DPT: variants seen among roughly 807,000 people sequenced by gnomAD.
DPT encodes dermatopontin, also known as tyrosine-rich acidic matrix protein.
DPT carries 21 observed loss-of-function variants against 31.2 expected under a neutral mutation model. The observed-to-expected ratio is 0.67, with a 90% confidence interval of 0.48 to 0.97. The LOEUF is 0.97. Among genes scored for constraint, DPT ranks in the 50% least tolerant of loss-of-function variants. The probability of loss-of-function intolerance (pLI) is 0.00; values close to 1 mark genes in which losing one functional copy is unlikely to be tolerated. For missense variants in DPT, 262 were observed against 258.8 expected (o/e 1.01, Z -0.08); for synonymous variants, 91 against 86.9 (o/e 1.05, Z -0.26).
At chr1:168,707,761 C>T (rs1420849079) in intron 2 of DPT, among the ~76,000 whole-genome samples, 1 of 152,120 alleles carries the variant, frequency 6.6e-6, no homozygotes, top group African/African-American at 2.4e-5. Flanking sequence ...GGCTTTTCCC[C>T]CTTTTGCTTG....
intron 1 of DPT, among the ~76,000 whole-genome samples, chr1:168,728,292 G>T (rs1401454685): frequency 6.6e-6 from 1 of 152,196 alleles, no homozygotes; most frequent in East Asian, 1.9e-4. Flanking sequence ...CAAGGCAGTA[G>T]ACAGCTATTT....
chr1:168,728,910 C>A lies in DPT; in HGVS notation c.265G>T (p.Glu89Ter). The A allele has an allele frequency of 6.2e-7, 1 of 1,614,238 alleles. No homozygotes were observed. The highest frequency in any genetic ancestry group is 8.5e-7 in the Non-Finnish European group (1 of 1,180,042). ...CTGTTGATCTCCTCCCACCAGCACT[C>A]CGTGGGTTCCCCGAGGCTCTGTGGC... ...PTPQSLGEPT[E>*]CWWEEINRAG... is the part of the protein sequence containing the mutation. Residue 89 changes from glutamate to a stop codon, truncating the protein, a stop_gained, in exon 1 of 4, where the codon GAG becomes TAG. Transcript: ENST00000367817. LOFTEE classifies it high-confidence loss of function.
intron 1 of DPT, among the ~76,000 whole-genome samples, chr1:168,725,828 C>G (rs1210958299): frequency 6.6e-6 from 1 of 152,200 alleles, no homozygotes; most frequent in Middle Eastern, 3.2e-3. Flanking sequence ...CGAGACTCCT[C>G]CCCTCTTTTA....
chr1:168,702,503 GT>G (rs1649620377), intron 2 of DPT, among the ~76,000 whole-genome samples: 1 of 151,810 alleles, frequency 6.6e-6, no homozygotes, highest in African/African-American at 2.4e-5. Context: ...AGGTACCTGT[GT>G]TTTTGCTTAA....
At chr1:168,718,341 A>G (rs991933865) in intron 1 of DPT, among the ~76,000 whole-genome samples, 1 of 152,246 alleles carries the variant, frequency 6.6e-6, no homozygotes, top group Non-Finnish European at 1.5e-5. Flanking sequence ...TGCTGGCCCC[A>G]GTGCCTGTAC....
At chr1:168,702,713 G>A (rs1400069761) in intron 2 of DPT, among the ~76,000 whole-genome samples, 2 of 149,544 alleles carry the variant, frequency 1.3e-5, no homozygotes, top group African/African-American at 2.5e-5. Flanking sequence ...CTGGGTTCAA[G>A]TGATTCTCCT....
chr1:168,728,823 T>TG lies in DPT; in HGVS notation c.305+46dup, dbSNP rs748070883. ...CTAGCAGCCCCCAGGAGGAGGGATA[T>TG]GCAGAGATGTTCCCAGCCCCAGTGC... is the stretch of plus-strand genomic sequence containing the variant. On this transcript the variant is annotated intron_variant, in intron 1 of 3. Transcript: ENST00000367817. 8.8e-6 allele frequency: 14 copies of TG among 1,596,098 alleles called. No homozygotes were observed. In the East Asian group the frequency reaches 3.1e-4, roughly 36 times the overall value.
chr1:168,699,315 C>T (rs1415324402), intron 3 of DPT, among the ~76,000 whole-genome samples: 2 of 152,044 alleles, frequency 1.3e-5, no homozygotes, highest in Non-Finnish European at 2.9e-5. Flanking sequence ...TTGAGCCTTT[C>T]ATTTTCTTTA....
In DPT at chr1:168,728,995, C is replaced by T; in HGVS notation, c.180G>A (p.Arg60=). Residue 60 remains arginine (R), a synonymous_variant, in exon 1 of 4, where the codon AGG becomes AGA. Transcript: ENST00000367817. ...AACCTTCCTTCTTGCTGAAGATGCT[C>T]CTCACGGCCACTATCACCTGCCCCT... is the stretch of plus-strand genomic sequence containing the variant. ...CPQGQVIVAV[R]SIFSKKEGSD... is the part of the protein sequence containing the mutation. 1 of 1,614,208 alleles carries T rather than the reference C, an allele frequency of 6.2e-7. No individual in the cohort carries two copies. The highest frequency in any genetic ancestry group is 8.5e-7 in the Non-Finnish European group (1 of 1,180,038).
intron 3 of DPT, among the ~76,000 whole-genome samples, chr1:168,697,467 T>C (rs1214426468): frequency 1.3e-5 from 2 of 152,230 alleles, no homozygotes; most frequent in African/African-American, 2.4e-5. Context: ...ATCACAAGAA[T>C]TGTTATGAAT....
intron 1 of DPT, among the ~76,000 whole-genome samples, chr1:168,721,182 C>G (rs1372916137): frequency 6.6e-6 from 1 of 152,176 alleles, no homozygotes; most frequent in Non-Finnish European, 1.5e-5. Context: ...GAGACAAACA[C>G]AGTTGGGGGC....
chr1:168,716,820 C>T (rs1259447133), intron 1 of DPT, among the ~76,000 whole-genome samples: 1 of 152,104 alleles, frequency 6.6e-6, no homozygotes, highest in African/African-American at 2.4e-5. Flanking sequence ...TTTTCTGTTC[C>T]TGTGTTAGTT....
chr1:168,696,699 A>G, intron 3 of DPT, 84 bp from the exon 4 acceptor site: 1 of 1,254,714 alleles, frequency 8.0e-7, no homozygotes. Flanking sequence ...AGCAGCAGAG[A>G]ACATTTGGAG....
intron 1 of DPT, among the ~76,000 whole-genome samples, chr1:168,723,191 A>G (rs1013918104): frequency 6.6e-6 from 1 of 152,244 alleles, no homozygotes; most frequent in Non-Finnish European, 1.5e-5. Context: ...AGCACTCACT[A>G]TGGCTTTATC....
At chr1:168,718,000 A>G (rs1259752257) in intron 1 of DPT, among the ~76,000 whole-genome samples, 1 of 152,236 alleles carries the variant, frequency 6.6e-6, no homozygotes, top group African/African-American at 2.4e-5. Context: ...AGCTCTAAGA[A>G]TCATAAGCAA....
At chr1:168,725,558 A>G (rs897333870) in intron 1 of DPT, among the ~76,000 whole-genome samples, 3 of 152,124 alleles carry the variant, frequency 2.0e-5, no homozygotes, top group African/African-American at 4.8e-5. Context: ...TTCCCTGAGA[A>G]CAACCTAGGC....
intron 2 of DPT, among the ~76,000 whole-genome samples, chr1:168,709,812 G>T (rs75980023): frequency 0.037 from 5,691 of 152,194 alleles, 178 homozygotes; most frequent in Non-Finnish European, 0.058. Context: ...CAGATAAGAG[G>T]GTTATCAGCA....
At chr1:168,709,689 G>T (rs370492543) in intron 2 of DPT, among the ~76,000 whole-genome samples, 1 of 152,204 alleles carries the variant, frequency 6.6e-6, no homozygotes. Flanking sequence ...GTCAGGCTGC[G>T]TGCTGAAGAA....
intron 3 of DPT, among the ~76,000 whole-genome samples, chr1:168,700,365 C>G (rs940153729): frequency 2.0e-5 from 3 of 152,156 alleles, no homozygotes; most frequent in Non-Finnish European, 2.9e-5. Context: ...GCTTCCAGAA[C>G]TGTGAAAATA....
Sources: allele counts gnomAD v4.1 joint callset (sites outside exome capture counted in the v4.1 genomes callset), GRCh38; gene constraint gnomAD v4.1.1; transcripts MANE v1.5; gene names NCBI Gene and HGNC (gene_info 2026-07-23, HGNC 2026-07-21).